ZGRF1: variants seen among roughly 807,000 people sequenced by gnomAD.
ZGRF1 encodes the protein 5'-3' DNA helicase ZGRF1.
Under a neutral mutation model 203.5 loss-of-function variants are expected in ZGRF1, and 196 were observed. The observed-to-expected ratio is 0.96, with a 90% CI of 0.86 to 1.08. The LOEUF (loss-of-function observed/expected upper bound fraction) is 1.08, where lower values mean the gene tolerates loss of function less well. Among genes scored for constraint, ZGRF1 ranks in the 50% least tolerant of loss-of-function variants. The pLI is 0.00. For synonymous variants in ZGRF1, 809 were observed against 841.3 expected, an observed-to-expected ratio of 0.96 and a Z score of 0.66; for missense variants, 2,326 against 2,416.3, an observed-to-expected ratio of 0.96 and a Z score of 0.78.
rs551254939 is a variant in ZGRF1 at position 112,579,860 on chromosome 4, C to T, written c.4438+1803G>A. On this transcript the variant is annotated intron_variant, in intron 16 of 27. Transcript: ENST00000505019. ...CGGCCATACTGCCCAAGGTAATTTA[C>T]AGATTCAATGCCATCCCCATCAAGC... Among the ~76,000 whole-genome samples, 760 of 121,924 alleles carry T rather than the reference C, an allele frequency of 6.2e-3. 176 individuals are homozygous for T. Among genetic ancestry groups the T allele is most frequent in the African/African-American group, 0.019 (684 of 35,300 alleles). 80.0% of individuals were successfully genotyped at this position (121,924 alleles called of 152,430 possible). A position where few individuals can be genotyped will look rare whatever the true frequency, so the allele number is the denominator to read the frequency against.
intron 16 of ZGRF1, among the ~76,000 whole-genome samples, chr4:112,576,867 C>A (rs563779244): frequency 3.3e-5 from 5 of 151,928 alleles, no homozygotes; most frequent in African/African-American, 1.2e-4. Flanking sequence ...GGATATTATC[C>A]AGGAAAACTT....
chr4:112,587,525 C>G lies in ZGRF1; in HGVS notation c.3532G>C (p.Gly1178Arg), dbSNP rs541402351. Residue 1178 changes from glycine (G) to arginine (R), a missense_variant, in exon 12 of 28, where the codon GGG becomes CGG. Transcript: ENST00000505019. ...TDGFFAEAVS[G>R]MHFRDTSERQ... ...TCACTTGTGTCTCTAAAATGCATCC[C>G]AGAAACAGCCTCAGCAAAGAAGCCA... is the stretch of plus-strand genomic sequence containing the variant. 11 of 1,613,912 alleles carry G rather than the reference C, an allele frequency of 6.8e-6. No homozygotes were observed. In the Admixed American group the frequency reaches 1.3e-4, roughly 20 times the overall value.
At chr4:112,593,882 G>A (rs534998065) in intron 10 of ZGRF1, among the ~76,000 whole-genome samples, 2 of 141,040 alleles carry the variant, frequency 1.4e-5, no homozygotes, top group East Asian at 2.3e-4. Context: ...TCCCACCCCC[G>A]CCTCCTGAGT....
At chr4:112,584,890 A>G (rs1210859239) in intron 14 of ZGRF1, among the ~76,000 whole-genome samples, 1 of 152,182 alleles carries the variant, frequency 6.6e-6, no homozygotes, top group Admixed American at 6.6e-5. Context: ...CTTCCTCCAT[A>G]ATATATTATT....
intron 22 of ZGRF1, among the ~76,000 whole-genome samples, chr4:112,553,288 T>C (rs1039978080): frequency 6.6e-6 from 1 of 152,188 alleles, no homozygotes; most frequent in Admixed American, 6.5e-5. Context: ...AGATCAAAAC[T>C]TGATAAAGGA....
At position 112,617,594 on chromosome 4, in the gene ZGRF1, A is replaced by C; in HGVS notation, c.2448T>G (p.Ser816=). The change falls in exon 6 of 28, where the codon TCT becomes TCG. Residue 816 remains serine (S), a synonymous_variant. Coordinates refer to ENST00000505019, the MANE Select transcript of ZGRF1 (RefSeq NM_018392.5). ...EGKQYWNPRN[S]SELSGLVNTI... ...TATTTACTAATCCAGAAAGTTCTGAAGAATTTCTAGGATTCCAGTATTGTT... is the reference window on the plus strand; with the variant it reads ...TATTTACTAATCCAGAAAGTTCTGACGAATTTCTAGGATTCCAGTATTGTT... The C allele has an allele frequency of 6.2e-7, 1 of 1,613,828 alleles. No individual in the cohort carries two copies. The highest frequency in any genetic ancestry group is 1.6e-4 in the Middle Eastern group (1 of 6,062).
rs757383842 is a variant in ZGRF1, at chr4:112,547,342, A to T, written c.5541T>A (p.Ser1847=). 3.1e-6 allele frequency: 5 copies of T among 1,613,740 alleles called. No homozygotes were observed. Among genetic ancestry groups the T allele is most frequent in the Non-Finnish European group, 4.2e-6 (5 of 1,179,742 alleles). The part of the protein sequence containing the change: ...PKQLPPTIQG[S]DAAHENGLEQ... Reference sequence around the variant, plus strand: ...CCAATCCATTTTCATGAGCTGCATCAGAACCCTGAATAGTAGGAGGTAGCT... The same window carrying T: ...CCAATCCATTTTCATGAGCTGCATCTGAACCCTGAATAGTAGGAGGTAGCT... Residue 1847 remains serine (S), a synonymous_variant, in exon 24 of 28, where the codon TCT becomes TCA. Coordinates refer to ENST00000505019, the MANE Select transcript of ZGRF1 (RefSeq NM_018392.5).
chr4:112,561,156 T>C, intron 18 of ZGRF1, 161 bp from the exon 19 acceptor site: 1 of 615,098 alleles, frequency 1.6e-6, no homozygotes, highest in Non-Finnish European at 2.9e-6. Flanking sequence ...GGATACATAC[T>C]CCAATATCGA....
chr4:112,592,021 AC>A (rs1748244931), intron 10 of ZGRF1, among the ~76,000 whole-genome samples: 1 of 152,004 alleles, frequency 6.6e-6, no homozygotes, highest in Non-Finnish European at 1.5e-5. Context: ...CAAATGAGTG[AC>A]TGATTAAATA....
Position 112,617,640 on chromosome 4 carries a change from A to T in ZGRF1, c.2402T>A (p.Val801Asp). The change falls in exon 6 of 28, where the codon GTT becomes GAT. Residue 801 changes from valine to aspartate, a missense_variant. Physicochemically the swap from Val to Asp is radical, Grantham distance 152 (BLOSUM62 -3). Coordinates refer to ENST00000505019, the MANE Select transcript of ZGRF1 (RefSeq NM_018392.5). ...IRSPPPDHVE[V>D]ETAREGKQYW... is the part of the protein sequence containing the mutation. ...TTGTTTGCCTTCTCTGGCAGTTTCA[A>T]CCTCAACATGGTCAGGGGGTGGACT... 1 of 1,613,656 alleles carries T rather than the reference A, an allele frequency of 6.2e-7. No individual in the cohort carries two copies. Among genetic ancestry groups the T allele is most frequent in the Non-Finnish European group, 8.5e-7 (1 of 1,179,902 alleles).
rs1271265292 is a variant in ZGRF1 at position 112,579,125 on chromosome 4, A to C, written c.4438+2538T>G. ...TGCAAGGCTGGTTCAACATATGCAA[A>C]TCAATAAACATAATCCAGCATATAA... On this transcript the variant is annotated intron_variant, in intron 16 of 27. Transcript: ENST00000505019. 2.8e-4 allele frequency among the ~76,000 whole-genome samples: 34 copies of C among 123,454 alleles called. 4 individuals carry two copies. The highest frequency in any genetic ancestry group is 9.5e-4 in the African/African-American group (34 of 35,640). The allele number at this position is 123,454 out of a possible 152,430, so 81.0% of individuals were successfully genotyped here.
intron 6 of ZGRF1, among the ~76,000 whole-genome samples, chr4:112,617,119 C>T (rs940258647): frequency 2.0e-5 from 3 of 152,028 alleles, no homozygotes; most frequent in African/African-American, 7.2e-5. Context: ...TATACACACA[C>T]ATACATACAT....
chr4:112,623,887 A>G lies in ZGRF1; in HGVS notation c.103-11T>C. On this transcript the variant is annotated splice_polypyrimidine_tract_variant and intron_variant, in intron 3 of 27. Transcript: ENST00000505019. ...ATCATATAAAATTGCCTGTATGAAA[A>G]CAAAATAAATGTTAAAAAGGAACAA... 1 of 1,488,544 alleles carries G rather than the reference A, an allele frequency of 6.7e-7. No homozygotes were observed. The highest frequency in any genetic ancestry group is 9.3e-7 in the Non-Finnish European group (1 of 1,077,502). 92.2% of individuals were successfully genotyped at this position (1,488,544 alleles called of 1,614,324 possible).
chr4:112,589,200 A>C (rs562217796), intron 11 of ZGRF1, among the ~76,000 whole-genome samples: 1 of 152,294 alleles, frequency 6.6e-6, no homozygotes, highest in East Asian at 1.9e-4. Context: ...GGGATCCTAG[A>C]GAATAGTATT....
rs150615137 is a variant in ZGRF1, at chr4:112,619,258, C to T, written c.784G>A (p.Glu262Lys). The change falls in exon 6 of 28, where the codon GAA (glutamate) becomes AAA (lysine). Residue 262 changes from glutamate (E) to lysine (K), a missense_variant. Physicochemically the swap from Glu to Lys is moderately conservative, Grantham distance 56. Coordinates refer to ENST00000505019, the MANE Select transcript of ZGRF1 (RefSeq NM_018392.5). ...AGTTCCTCACATGAACTAGATGATT[C>T]GGACTTCAGAAGAGCTAATATCTGT... ...KAQILALLKS[E>K]SSSSCEELNS... 330 of 1,613,190 alleles carry T rather than the reference C, an allele frequency of 2.0e-4. 1 individual carries two copies. The Middle Eastern group carries it at 3.8e-3, about 19-fold the overall frequency.
intron 16 of ZGRF1, among the ~76,000 whole-genome samples, chr4:112,573,953 C>T (rs1367986442): frequency 6.6e-6 from 1 of 152,146 alleles, no homozygotes. Flanking sequence ...GAAGTGTGAG[C>T]TAAAACCACA....
intron 10 of ZGRF1, among the ~76,000 whole-genome samples, chr4:112,602,472 T>C (rs1750132510): frequency 6.6e-6 from 1 of 152,234 alleles, no homozygotes; most frequent in African/African-American, 2.4e-5. Flanking sequence ...GAAATCAGTT[T>C]TGCATTATGT....
intron 8 of ZGRF1, chr4:112,607,782 T>A (rs1043196939): frequency 6.6e-6 from 1 of 151,908 alleles, no homozygotes; most frequent in Non-Finnish European, 1.5e-5. Context: ...AATAAAAAAA[T>A]AAAAAATAAT....
chr4:112,593,735 A>C (rs1001518020), intron 10 of ZGRF1, among the ~76,000 whole-genome samples: 4 of 152,126 alleles, frequency 2.6e-5, no homozygotes, highest in African/African-American at 9.7e-5. Flanking sequence ...CACTGTTGCC[A>C]ATGCTGGAGA....
Sources: gnomAD v4.1 joint callset for allele counts (sites outside exome capture counted in the v4.1 genomes callset) on GRCh38, gnomAD v4.1.1 for gene constraint, MANE v1.5 for transcripts, NCBI Gene and HGNC (gene_info 2026-07-23, HGNC 2026-07-21) for gene names.